The following PLXNA4 variants were observed in gnomAD, a reference collection of about 807,000 sequenced individuals.
PLXNA4 encodes the protein plexin A4.
In PLXNA4, 44 loss-of-function variants were observed where a neutral mutation model predicts 191.8. The ratio of observed to expected loss-of-function variants is 0.23; its 90% confidence interval spans 0.18 to 0.29. PLXNA4 has a LOEUF of 0.29. Among genes scored for constraint, PLXNA4 ranks in the 10% least tolerant of loss-of-function variants. The pLI, the probability that PLXNA4 is intolerant of heterozygous loss-of-function variation, is 1.00. For missense variants in PLXNA4, 1,800 were observed against 2,488.8 expected (o/e 0.72, Z 5.89); for synonymous variants, 1,082 against 1,009.5 (o/e 1.07, Z -1.36).
chr7:132,167,409 C>G (rs12386586), intron 22 of PLXNA4, among the ~76,000 whole-genome samples: 29,691 of 152,178 alleles, frequency 0.2, 5,502 homozygotes, highest in African/African-American at 0.49. Flanking sequence ...GAGACATCAC[C>G]AAAGGACTTT....
intron 7 of PLXNA4, among the ~76,000 whole-genome samples, chr7:132,227,174 C>T (rs1336705390): frequency 6.6e-6 from 1 of 152,212 alleles, no homozygotes; most frequent in Non-Finnish European, 1.5e-5. Context: ...CCTGGCCTGC[C>T]CCTCCCCACC....
intron 2 of PLXNA4, among the ~76,000 whole-genome samples, chr7:132,501,441 G>T (rs147726633): frequency 6.6e-6 from 1 of 152,154 alleles, no homozygotes; most frequent in African/African-American, 2.4e-5. Context: ...AGCAGTCTGC[G>T]TTAAAATTCA....
chr7:132,246,167 C>CA (rs1226543223), intron 4 of PLXNA4, among the ~76,000 whole-genome samples: 1 of 152,186 alleles, frequency 6.6e-6, no homozygotes, highest in Non-Finnish European at 1.5e-5. Context: ...GGCATGGCAG[C>CA]ATGGATATGA....
chr7:132,433,851 A>C (rs1795366789), intron 3 of PLXNA4, among the ~76,000 whole-genome samples: 2 of 152,132 alleles, frequency 1.3e-5, no homozygotes, highest in Admixed American at 1.3e-4. Flanking sequence ...CCATACCCTC[A>C]TTCCATTCAG....
At chr7:132,362,058 GT>G (rs1803964463) in intron 3 of PLXNA4, among the ~76,000 whole-genome samples, 2 of 152,142 alleles carry the variant, frequency 1.3e-5, no homozygotes, top group African/African-American at 4.8e-5. Context: ...ATAAGAGAGG[GT>G]TTCCAAGGCC....
intron 2 of PLXNA4, among the ~76,000 whole-genome samples, chr7:132,582,374 G>A (rs542423118): frequency 2.6e-5 from 4 of 152,308 alleles, no homozygotes; most frequent in African/African-American, 9.6e-5. Flanking sequence ...TGTTCTAAGT[G>A]ACTGTGGTTG....
intron 2 of PLXNA4, among the ~76,000 whole-genome samples, chr7:132,638,162 T>C (rs1319071665): frequency 6.6e-6 from 1 of 152,192 alleles, no homozygotes; most frequent in Non-Finnish European, 1.5e-5. Context: ...TACACAGCTG[T>C]GTGTGCAAGA....
rs1335287722 is a variant in PLXNA4 at position 132,124,956 on chromosome 7, A to C, written c.*5523T>G. The stretch of plus-strand genomic sequence containing the variant: ...CCTAATGAGTATGTATTTCTCTTAC[A>C]ACCAAAAAATTCTATATACTTTTAA... On this transcript the variant is annotated 3_prime_UTR_variant, in exon 32 of 32. Transcript: ENST00000321063. 6.6e-6 allele frequency: 1 copy of C among 152,132 alleles called. No homozygotes were observed. The highest frequency in any genetic ancestry group is 1.5e-5 in the Non-Finnish European group (1 of 68,040). 9.4% of individuals were successfully genotyped at this position (152,132 alleles called of 1,614,324 possible). A position where few individuals can be genotyped will look rare whatever the true frequency, so the allele number is the denominator to read the frequency against.
At chr7:132,197,028 A>G (rs925037395) in intron 13 of PLXNA4, among the ~76,000 whole-genome samples, 2 of 152,162 alleles carry the variant, frequency 1.3e-5, no homozygotes, top group Admixed American at 6.5e-5. Flanking sequence ...TTTGCTTGCA[A>G]TGATTTTTGA....
intron 2 of PLXNA4, among the ~76,000 whole-genome samples, chr7:132,607,274 T>A (rs576013269): frequency 1.6e-3 from 238 of 152,208 alleles, no homozygotes; most frequent in Middle Eastern, 3.4e-3. Flanking sequence ...AAATTGCCAA[T>A]ATGGCTCAAG....
chr7:132,561,414 TTCCTC>T (rs1801051467), intron 1 of PLXNA4, among the ~76,000 whole-genome samples: 1 of 76,884 alleles, frequency 1.3e-5, no homozygotes, highest in Non-Finnish European at 2.5e-5. Context: ...CCTCCTCCTC[TTCCTC>T]CTCCTCCTCT....
At chr7:132,326,814 G>C (rs1802378327) in intron 3 of PLXNA4, among the ~76,000 whole-genome samples, 1 of 152,032 alleles carries the variant, frequency 6.6e-6, no homozygotes, top group South Asian at 2.1e-4. Flanking sequence ...CTCCCTAAAG[G>C]CAGGAATCAT....
At chr7:132,132,151 C>T (rs1794946380) in intron 31 of PLXNA4, among the ~76,000 whole-genome samples, 1 of 152,200 alleles carries the variant, frequency 6.6e-6, no homozygotes, top group Admixed American at 6.5e-5. Flanking sequence ...CTCCTCCTAC[C>T]CAGCAGTGTC....
rs1377092405 is a variant in PLXNA4, at chr7:132,424,993, G to A, written c.1371+64299C>T. ...GGGTGGGTGAGCCGCTCACTGCCCC[G>A]CCCTACCCCAGCTGCCCTCTCTAGC... On this transcript the variant is annotated intron_variant, in intron 3 of 31. Transcript: ENST00000321063. Among the ~76,000 whole-genome samples the A allele has an allele frequency of 2.0e-5, 3 of 152,020 alleles. No homozygotes were observed. The East Asian group carries it at 5.8e-4, about 29-fold the overall frequency.
At chr7:132,184,231 G>T (rs1402920104) in intron 16 of PLXNA4, among the ~76,000 whole-genome samples, 1 of 152,210 alleles carries the variant, frequency 6.6e-6, no homozygotes, top group Admixed American at 6.5e-5. Flanking sequence ...GCGGGAGGGG[G>T]CTGAGCCAGG....
At chr7:132,328,050 C>T (rs797019938) in intron 3 of PLXNA4, among the ~76,000 whole-genome samples, 4 of 152,280 alleles carry the variant, frequency 2.6e-5, no homozygotes, top group African/African-American at 9.6e-5. Flanking sequence ...ATGGACAGAG[C>T]GCTGCCTTTG....
At chr7:132,141,610 G>A (rs571031922) in intron 29 of PLXNA4, among the ~76,000 whole-genome samples, 1 of 152,162 alleles carries the variant, frequency 6.6e-6, no homozygotes, top group Non-Finnish European at 1.5e-5. Context: ...GATGTGTAGG[G>A]TCCAGCATGG....
At chr7:132,589,545 C>G (rs891279714) in intron 2 of PLXNA4, among the ~76,000 whole-genome samples, 1 of 152,118 alleles carries the variant, frequency 6.6e-6, no homozygotes, top group Admixed American at 6.5e-5. Flanking sequence ...CAAATATACC[C>G]TTGAGGAAGA....
chr7:132,517,072 A>G (rs1359236772), intron 1 of PLXNA4, among the ~76,000 whole-genome samples: 1 of 152,162 alleles, frequency 6.6e-6, no homozygotes, highest in Admixed American at 6.5e-5. Flanking sequence ...CCCAGCCTCT[A>G]TTAGAAACCC....
Sources: gnomAD v4.1 joint callset for allele counts (sites outside exome capture counted in the v4.1 genomes callset) on GRCh38, gnomAD v4.1.1 for gene constraint, MANE v1.5 for transcripts, NCBI Gene and HGNC (gene_info 2026-07-23, HGNC 2026-07-21) for gene names.